NFIB: variants seen among roughly 807,000 people sequenced by gnomAD.
The protein encoded by NFIB is nuclear factor 1 B-type.
Under a neutral mutation model 61.5 loss-of-function variants are expected in NFIB, and 11 were observed. The ratio of observed to expected loss-of-function variants is 0.18; its 90% CI spans 0.11 to 0.30. NFIB has a LOEUF of 0.30. NFIB is among the 10% of genes least tolerant of loss of function. The pLI is 1.00. For missense variants in NFIB, 471 were observed against 608.9 expected (o/e 0.77, Z 2.38); for synonymous variants, 260 against 216.5 (o/e 1.20, Z -1.76).
At chr9:14,128,310 T>C (rs1302451347) in intron 6 of NFIB, among the ~76,000 whole-genome samples, 1 of 152,206 alleles carries the variant, frequency 6.6e-6, no homozygotes, top group Non-Finnish European at 1.5e-5. Context: ...GCTTTACCTA[T>C]GTTTAAATAT....
chr9:14,482,990 G>A, the NFIB span, among the ~76,000 whole-genome samples: 6 of 152,136 alleles, frequency 3.9e-5, no homozygotes, highest in South Asian at 2.1e-4. Context: ...ATGAAAATTC[G>A]AATAAAAATA....
intron 10 of NFIB, among the ~76,000 whole-genome samples, chr9:14,099,902 T>C (rs1587159879): frequency 6.6e-6 from 1 of 152,016 alleles, no homozygotes; most frequent in East Asian, 1.9e-4. Context: ...TGAAATCCAG[T>C]GTGTGCTAAA....
the NFIB span, among the ~76,000 whole-genome samples, chr9:14,450,803 T>C: frequency 1.2e-4 from 18 of 152,388 alleles, no homozygotes; most frequent in Non-Finnish European, 2.5e-4. Flanking sequence ...ATCTATTTAC[T>C]GTTTGTTCAG....
rs113438256 is a variant in NFIB at position 14,266,694 on chromosome 9, T to C, written c.562+40295A>G. 3.1e-3 allele frequency among the ~76,000 whole-genome samples: 468 copies of C among 152,246 alleles called. 4 individuals are homozygous for C. The highest frequency in any genetic ancestry group is 0.011 in the African/African-American group (443 of 41,558). On this transcript the variant is annotated intron_variant, in intron 2 of 10. Transcript: ENST00000380953. ...CCCATTTTTGTGGCCCATCTCAGCATTGATTCAGTGATGCAGTCATCTTCC... is the reference window on the plus strand; with the variant it reads ...CCCATTTTTGTGGCCCATCTCAGCACTGATTCAGTGATGCAGTCATCTTCC...
At chr9:14,161,601 G>A (rs190373924) in intron 3 of NFIB, among the ~76,000 whole-genome samples, 17 of 151,814 alleles carry the variant, frequency 1.1e-4, no homozygotes, top group Non-Finnish European at 1.6e-4. Flanking sequence ...TTTAGATAAA[G>A]TTTTTCAAAA....
intron 3 of NFIB, among the ~76,000 whole-genome samples, chr9:14,173,560 C>T (rs1327471155): frequency 1.3e-5 from 2 of 152,096 alleles, no homozygotes; most frequent in East Asian, 1.9e-4. Context: ...GAGTGTGATG[C>T]ATACAATAGA....
chr9:14,099,717 A>G (rs1310302588), intron 10 of NFIB, among the ~76,000 whole-genome samples: 1 of 152,228 alleles, frequency 6.6e-6, no homozygotes, highest in African/African-American at 2.4e-5. Flanking sequence ...TCAATGTAGA[A>G]ATGTGATGGC....
intron 3 of NFIB, among the ~76,000 whole-genome samples, chr9:14,171,969 T>G (rs2045611116): frequency 6.6e-6 from 1 of 152,132 alleles, no homozygotes; most frequent in Non-Finnish European, 1.5e-5. Flanking sequence ...CATATGCAAT[T>G]TTTAAACATA....
At chr9:14,290,435 A>C (rs1009323007) in intron 2 of NFIB, among the ~76,000 whole-genome samples, 16 of 152,156 alleles carry the variant, frequency 1.1e-4, no homozygotes, top group African/African-American at 3.6e-4. Flanking sequence ...GGCGGTAAGC[A>C]CTTCACAAGT....
intron 2 of NFIB, among the ~76,000 whole-genome samples, chr9:14,251,184 T>A (rs1026005843): frequency 9.2e-5 from 14 of 152,216 alleles, no homozygotes; most frequent in African/African-American, 3.4e-4. Context: ...CCTTTGGGTG[T>A]TTGTTTTACA....
chr9:14,360,874 ATGT>A (rs1449591952), intron 1 of NFIB, among the ~76,000 whole-genome samples: 1 of 152,058 alleles, frequency 6.6e-6, no homozygotes, highest in Non-Finnish European at 1.5e-5. Flanking sequence ...ATTTTCAGTG[ATGT>A]TGTACCTTTG....
chr9:14,140,564 C>A (rs139697923), intron 6 of NFIB, among the ~76,000 whole-genome samples: 1 of 152,090 alleles, frequency 6.6e-6, no homozygotes, highest in Non-Finnish European at 1.5e-5. Context: ...ATTTTTGTTA[C>A]AAAAAAACTT....
chr9:14,146,854 T>C, intron 5 of NFIB, 47 bp from the exon 6 acceptor site: 3 of 1,587,722 alleles, frequency 1.9e-6, no homozygotes, highest in Non-Finnish European at 2.6e-6. Context: ...TCTGGGAAGA[T>C]GTGTACATTT....
chr9:14,268,432 G>C (rs1319797113), intron 2 of NFIB, among the ~76,000 whole-genome samples: 1 of 152,104 alleles, frequency 6.6e-6, no homozygotes, highest in African/African-American at 2.4e-5. Flanking sequence ...CTAAAGTCTA[G>C]TCACCCTCCC....
intron 1 of NFIB, among the ~76,000 whole-genome samples, chr9:14,382,591 G>C (rs1470073845): frequency 6.6e-6 from 1 of 152,036 alleles, no homozygotes; most frequent in Non-Finnish European, 1.5e-5. Context: ...GCATTATCTA[G>C]TAAGACAGGC....
chr9:14,180,016 C>G (rs2046589938), intron 2 of NFIB, among the ~76,000 whole-genome samples: 1 of 152,092 alleles, frequency 6.6e-6, no homozygotes, highest in Non-Finnish European at 1.5e-5. Context: ...TTTTCTTGGG[C>G]TAGAGCAAGG....
chr9:14,205,908 A>G lies in NFIB; in HGVS notation c.563-26128T>C, dbSNP rs79761662. Reference sequence around the variant, plus strand: ...TAATCGTATATTTTGAATAATGTCTATTCTCCAGTAGTCACCTGAAAAACA... The same window carrying G: ...TAATCGTATATTTTGAATAATGTCTGTTCTCCAGTAGTCACCTGAAAAACA... On this transcript the variant is annotated intron_variant, in intron 2 of 10. Coordinates refer to ENST00000380953, the MANE Select transcript of NFIB (RefSeq NM_001190737.2). 0.016 allele frequency among the ~76,000 whole-genome samples: 2,365 copies of G among 150,468 alleles called. 186 individuals carry two copies. In the East Asian group the frequency reaches 0.25, roughly 16 times the overall value.
chr9:14,202,420 G>A (rs1403284526), intron 2 of NFIB, among the ~76,000 whole-genome samples: 1 of 152,158 alleles, frequency 6.6e-6, no homozygotes, highest in South Asian at 2.1e-4. Flanking sequence ...TAGTTCGGGA[G>A]CTGAAGAGTC....
At chr9:14,118,801 G>A (rs866939462) in intron 8 of NFIB, among the ~76,000 whole-genome samples, 1 of 136,440 alleles carries the variant, frequency 7.3e-6, no homozygotes. Flanking sequence ...AGAGTAATAT[G>A]CTTCCTTAGA....
Sources: allele counts gnomAD v4.1 joint callset (sites outside exome capture counted in the v4.1 genomes callset), GRCh38; gene constraint gnomAD v4.1.1; transcripts MANE v1.5; gene names NCBI Gene and HGNC (gene_info 2026-07-23, HGNC 2026-07-21).